The following PDE4D variants were observed in gnomAD, a reference collection of about 807,000 sequenced individuals.
PDE4D encodes 3',5'-cyclic-AMP phosphodiesterase 4D.
In PDE4D, 24 loss-of-function variants were observed where a neutral mutation model predicts 87.4. The observed-to-expected ratio is 0.27, with a 90% confidence interval of 0.20 to 0.39. The LOEUF is 0.39. PDE4D is among the 10% of genes least tolerant of loss of function. The pLI, the probability that PDE4D is intolerant of heterozygous loss-of-function variation, is 1.00. For missense variants in PDE4D, 714 were observed against 1,041.0 expected, an observed-to-expected ratio of 0.69 and a Z score of 4.32; for synonymous variants, 384 against 383.2, an observed-to-expected ratio of 1.00 and a Z score of -0.02.
At position 60,017,926 on chromosome 5, in the gene PDE4D, G is replaced by C. The variant is rs377129882; in HGVS notation, c.43-29209C>G. The stretch of plus-strand genomic sequence containing the variant: ...ACATTCCCAGCCACAGTGTAAAAGC[G>C]TTCCTATTTCTCCACAGCCTCAACA... On this transcript the variant is annotated intron_variant, in intron 2 of 16. Transcript: ENST00000502484. Among the ~76,000 whole-genome samples, 50 of 152,250 alleles carry C rather than the reference G, an allele frequency of 3.3e-4. 1 individual carries two copies. The highest frequency in any genetic ancestry group is 1.1e-3 in the African/African-American group (45 of 41,550).
intron 5 of PDE4D, among the ~76,000 whole-genome samples, chr5:59,056,251 T>A (rs1317317226): frequency 1.3e-5 from 2 of 152,096 alleles, no homozygotes; most frequent in Admixed American, 6.6e-5. Flanking sequence ...AACAGTCTTT[T>A]CTTTCCCCAG....
At chr5:59,912,941 C>G (rs1379915875) in intron 3 of PDE4D, among the ~76,000 whole-genome samples, 2 of 152,044 alleles carry the variant, frequency 1.3e-5, no homozygotes, top group African/African-American at 4.8e-5. Context: ...GATTGGGTGC[C>G]AGAGAAGACC....
intron 10 of PDE4D, among the ~76,000 whole-genome samples, chr5:58,988,952 A>C (rs1333251089): frequency 3.3e-5 from 5 of 152,326 alleles, no homozygotes; most frequent in African/African-American, 1.2e-4. Flanking sequence ...AGACATTAGC[A>C]ATTATTTTCT....
At position 60,380,671 on chromosome 5, in the gene PDE4D, A is replaced by G. The variant is rs1030715794; in HGVS notation, c.-90+107271T>C. Among the ~76,000 whole-genome samples the G allele has an allele frequency of 6.6e-5, 10 of 152,334 alleles. No individual in the cohort carries two copies. In the East Asian group the frequency reaches 1.9e-3, roughly 29 times the overall value. On this transcript the variant is annotated intron_variant, in intron 1 of 16. Transcript: ENST00000502484. ...AGATTGTTTGTTAGCGCAGCGTAAC[A>G]TCCTAAGTTCACTGATATGGGAAGC...
intron 2 of PDE4D, among the ~76,000 whole-genome samples, chr5:60,022,962 C>A (rs532768733): frequency 6.6e-6 from 1 of 152,164 alleles, no homozygotes; most frequent in Non-Finnish European, 1.5e-5. Context: ...CTCAACACAT[C>A]TATAGCCTCA....
At chr5:59,910,902 T>C (rs935134502) in intron 3 of PDE4D, among the ~76,000 whole-genome samples, 1 of 152,204 alleles carries the variant, frequency 6.6e-6, no homozygotes. Context: ...GACAGTGAAC[T>C]AACTGAAGGA....
chr5:59,275,926 C>T, intron 1 of PDE4D: 1 of 985,174 alleles, frequency 1.0e-6, no homozygotes, highest in South Asian at 4.7e-5. Context: ...AGAAGTCAGC[C>T]AAGGAACAAA....
At chr5:59,365,390 C>T (rs890399590) in intron 1 of PDE4D, among the ~76,000 whole-genome samples, 1 of 152,028 alleles carries the variant, frequency 6.6e-6, no homozygotes, top group African/African-American at 2.4e-5. Flanking sequence ...ACCTGGGAAT[C>T]GAGGCTGCAG....
chr5:59,092,029 C>T (rs1174078014), intron 5 of PDE4D, among the ~76,000 whole-genome samples: 2 of 152,048 alleles, frequency 1.3e-5, no homozygotes, highest in African/African-American at 4.8e-5. Context: ...CCCAAAACTG[C>T]CAAACAAGTC....
chr5:60,496,758 G>T (rs1749831419), intron 1 of PDE4D, among the ~76,000 whole-genome samples: 1 of 152,116 alleles, frequency 6.6e-6, no homozygotes, highest in Admixed American at 6.5e-5. Context: ...GTTGATAGGT[G>T]GGAGAGGAAA....
chr5:59,361,129 T>C (rs1435349427), intron 1 of PDE4D, among the ~76,000 whole-genome samples: 1 of 152,142 alleles, frequency 6.6e-6, no homozygotes, highest in Non-Finnish European at 1.5e-5. Flanking sequence ...CTAACAAAGC[T>C]CCTTCTAAAG....
Position 59,060,247 on chromosome 5 carries a change from G to A in PDE4D, c.809-21276C>T, listed in dbSNP as rs543539898. On this transcript the variant is annotated intron_variant, in intron 5 of 14. Coordinates refer to ENST00000340635, the MANE Select transcript of PDE4D (RefSeq NM_001104631.2). ...CAGTGCAATAAGATGGAAAGAGCACGTGTCCTTGAAGACTGTACTGGATAG... is the reference window on the plus strand; with the variant it reads ...CAGTGCAATAAGATGGAAAGAGCACATGTCCTTGAAGACTGTACTGGATAG... Among the ~76,000 whole-genome samples the A allele has an allele frequency of 4.6e-5, 7 of 152,242 alleles. No individual in the cohort carries two copies. The South Asian group carries it at 8.3e-4, about 18-fold the overall frequency.
At chr5:60,063,095 G>GAAAGAAAGAAGA (rs1554144202) in intron 2 of PDE4D, among the ~76,000 whole-genome samples, 3 of 97,282 alleles carry the variant, frequency 3.1e-5, no homozygotes, top group African/African-American at 1.2e-4. Context: ...AAGAAAGAAA[G>GAAAGAAAGAAGA]AAGAAAGAAA....
chr5:59,303,344 G>C (rs1178984362), intron 1 of PDE4D, among the ~76,000 whole-genome samples: 1 of 152,100 alleles, frequency 6.6e-6, no homozygotes, highest in Non-Finnish European at 1.5e-5. Flanking sequence ...TGGGTTGTCT[G>C]TTTACTCTGC....
At chr5:59,803,178 G>C (rs935491561) in intron 1 of PDE4D, among the ~76,000 whole-genome samples, 5 of 152,114 alleles carry the variant, frequency 3.3e-5, no homozygotes, top group African/African-American at 7.2e-5. Context: ...CTCTAAGGCA[G>C]TGGTTCTCAG....
intron 1 of PDE4D, among the ~76,000 whole-genome samples, chr5:60,252,584 G>A (rs1201292852): frequency 6.6e-6 from 1 of 151,690 alleles, no homozygotes; most frequent in African/African-American, 2.4e-5. Flanking sequence ...TAGTGGCAAT[G>A]GCAGGGGTAT....
At chr5:59,643,307 G>A (rs1554050448) in intron 1 of PDE4D, among the ~76,000 whole-genome samples, 1 of 152,178 alleles carries the variant, frequency 6.6e-6, no homozygotes. Flanking sequence ...TTGCTGAAAA[G>A]AGAGGAGACA....
intron 1 of PDE4D, among the ~76,000 whole-genome samples, chr5:59,584,092 C>A (rs1187809397): frequency 1.3e-5 from 2 of 152,112 alleles, no homozygotes; most frequent in Admixed American, 6.5e-5. Flanking sequence ...TTTGGCGAGA[C>A]CTTTATTCTA....
intron 1 of PDE4D, among the ~76,000 whole-genome samples, chr5:59,567,144 T>C (rs1162796173): frequency 6.6e-6 from 1 of 152,232 alleles, no homozygotes; most frequent in Non-Finnish European, 1.5e-5. Flanking sequence ...TATGGCTCAT[T>C]ACTGAAAATC....
Sources: gnomAD v4.1 joint callset for allele counts (sites outside exome capture counted in the v4.1 genomes callset) on GRCh38, gnomAD v4.1.1 for gene constraint, MANE v1.5 for transcripts, NCBI Gene and HGNC (gene_info 2026-07-23, HGNC 2026-07-21) for gene names.